The following CNTN6 variants were observed in gnomAD, a reference collection of about 807,000 sequenced individuals.
The protein encoded by CNTN6 is contactin-6.
Under a neutral mutation model 122.8 loss-of-function variants are expected in CNTN6, and 137 were observed. The observed-to-expected ratio is 1.12, with a 90% confidence interval of 0.97 to 1.29. CNTN6 has a LOEUF of 1.29. CNTN6 is among the 50% of genes most tolerant of loss of function. CNTN6 has a pLI of 0.00. For missense variants in CNTN6, 1,634 were observed against 1,223.4 expected (o/e 1.34, Z -5.01); for synonymous variants, 570 against 426.0 (o/e 1.34, Z -4.16).
At chr3:1,268,261 C>G (rs1318665403) in intron 4 of CNTN6, among the ~76,000 whole-genome samples, 1 of 152,174 alleles carries the variant, frequency 6.6e-6, no homozygotes, top group African/African-American at 2.4e-5. Context: ...GTGAGGGTCA[C>G]TAACCATCAG....
At position 1,183,115 on chromosome 3, in the gene CNTN6, G is replaced by A. The variant is rs189672596; in HGVS notation, c.55+35052G>A. Among the ~76,000 whole-genome samples the A allele has an allele frequency of 1.9e-3, 282 of 152,194 alleles. 1 individual carries two copies. Among genetic ancestry groups the A allele is most frequent in the African/African-American group, 6.6e-3 (273 of 41,540 alleles). On this transcript the variant is annotated intron_variant, in intron 2 of 22. Coordinates refer to ENST00000446702, the MANE Select transcript of CNTN6 (RefSeq NM_001289080.2). The stretch of plus-strand genomic sequence containing the variant: ...TGCCAAGATGAACTGTCCGGTATAC[G>A]AAGATAAAAGATTTTAAAGGCAACG...
At chr3:1,308,407 G>A (rs73093240) in intron 7 of CNTN6, among the ~76,000 whole-genome samples, 5,357 of 151,738 alleles carry the variant, frequency 0.035, 340 homozygotes, top group African/African-American at 0.12. Flanking sequence ...CATAGAAGCA[G>A]TCATGTCTCC....
intron 2 of CNTN6, among the ~76,000 whole-genome samples, chr3:1,199,412 T>C (rs1347541038): frequency 6.6e-6 from 1 of 151,928 alleles, no homozygotes; most frequent in Non-Finnish European, 1.5e-5. Flanking sequence ...ACTCCTAGGC[T>C]CAAGCAGTCC....
At chr3:1,354,166 C>A (rs1575828428) in intron 12 of CNTN6, among the ~76,000 whole-genome samples, 1 of 151,408 alleles carries the variant, frequency 6.6e-6, no homozygotes, top group Non-Finnish European at 1.5e-5. Context: ...AACTCGGAAG[C>A]CACTGGACTG....
At chr3:1,231,855 G>C (rs192288688) in intron 4 of CNTN6, among the ~76,000 whole-genome samples, 5 of 152,200 alleles carry the variant, frequency 3.3e-5, no homozygotes, top group Admixed American at 6.5e-5. Context: ...GTCACCAAAG[G>C]CTTCTGTTAT....
chr3:1,356,918 C>T (rs571785813), intron 12 of CNTN6, among the ~76,000 whole-genome samples: 2 of 151,852 alleles, frequency 1.3e-5, no homozygotes, highest in Non-Finnish European at 2.9e-5. Context: ...ACTACAATCT[C>T]TTCAAGTAAA....
At chr3:1,143,240 C>T (rs555127002) in intron 1 of CNTN6, among the ~76,000 whole-genome samples, 84 of 152,110 alleles carry the variant, frequency 5.5e-4, no homozygotes, top group African/African-American at 2.0e-3. Context: ...TAGACCTGTA[C>T]ATACTCTTTC....
intron 2 of CNTN6, among the ~76,000 whole-genome samples, chr3:1,168,203 C>T (rs567473702): frequency 1.5e-4 from 23 of 151,946 alleles, no homozygotes; most frequent in South Asian, 6.3e-4. Context: ...ACATCGCGCC[C>T]GGCCTGGAAA....
intron 8 of CNTN6, among the ~76,000 whole-genome samples, chr3:1,322,867 C>T (rs1701054869): frequency 6.6e-6 from 1 of 151,444 alleles, no homozygotes; most frequent in Non-Finnish European, 1.5e-5. Flanking sequence ...CAAACCTAGC[C>T]AAGAAAAACA....
intron 5 of CNTN6, among the ~76,000 whole-genome samples, chr3:1,280,810 G>A (rs1369649137): frequency 6.6e-6 from 1 of 152,022 alleles, no homozygotes; most frequent in Non-Finnish European, 1.5e-5. Flanking sequence ...ATGATTCCAA[G>A]CATATTTGTC....
intron 4 of CNTN6, among the ~76,000 whole-genome samples, chr3:1,263,079 A>T (rs1466492493): frequency 6.6e-6 from 1 of 152,156 alleles, no homozygotes; most frequent in Admixed American, 6.5e-5. Flanking sequence ...CAGTCAAATA[A>T]TATACCTATT....
In CNTN6 at chr3:1,383,371, C is replaced by T. The variant is rs115667338; in HGVS notation, c.2480C>T (p.Ala827Val). 678 of 1,613,874 alleles carry T rather than the reference C, an allele frequency of 4.2e-4. 2 individuals carry two copies. The African/African-American group carries it at 6.2e-3, about 15-fold the overall frequency. ...ATGGAGGTTTCATGGAATGCTATTG[C>T]CTGGAATAGAAACACTGGAAGAGTG... ...SEMEVSWNAI[A>V]WNRNTGRVLG... Residue 827 changes from alanine (A) to valine (V), a missense_variant, in exon 19 of 23, where the codon GCC becomes GTC. Coordinates refer to ENST00000446702, the MANE Select transcript of CNTN6 (RefSeq NM_001289080.2).
At chr3:1,387,833 C>A (rs914810829) in intron 20 of CNTN6, among the ~76,000 whole-genome samples, 2 of 151,810 alleles carry the variant, frequency 1.3e-5, no homozygotes, top group Non-Finnish European at 2.9e-5. Flanking sequence ...CACTCCCACC[C>A]GAATATTGCG....
intron 1 of CNTN6, among the ~76,000 whole-genome samples, chr3:1,133,988 T>C (rs553757240): frequency 7.3e-6 from 1 of 136,554 alleles, no homozygotes; most frequent in East Asian, 2.2e-4. Flanking sequence ...CCTCCTGTGC[T>C]GTAAGCCAGT....
intron 4 of CNTN6, 113 bp from the exon 5 acceptor site, chr3:1,278,300 G>A: frequency 2.9e-6 from 2 of 685,526 alleles, no homozygotes; most frequent in Non-Finnish European, 4.8e-6. Flanking sequence ...CTTCTGGTCA[G>A]CAAAGTATGA....
chr3:1,315,446 C>T (rs1332052682), intron 7 of CNTN6, among the ~76,000 whole-genome samples: 1 of 151,732 alleles, frequency 6.6e-6, no homozygotes, highest in Admixed American at 6.6e-5. Flanking sequence ...GGAGAACTGG[C>T]AGGTAATAAT....
At chr3:1,221,770 G>A (rs2094211025) in intron 3 of CNTN6, among the ~76,000 whole-genome samples, 1 of 152,108 alleles carries the variant, frequency 6.6e-6, no homozygotes, top group Admixed American at 6.5e-5. Context: ...CATATGTAGT[G>A]TTAATACAGG....
At chr3:1,385,555 ATGAT>A in intron 19 of CNTN6, 52 bp from the exon 20 acceptor site, 1 of 1,396,948 alleles carries the variant, frequency 7.2e-7, no homozygotes, top group Non-Finnish European at 9.8e-7. Flanking sequence ...TTGGTAAAAA[ATGAT>A]TGATAGTTAT....
chr3:1,259,781 A>G (rs2094814992), intron 4 of CNTN6, among the ~76,000 whole-genome samples: 1 of 152,170 alleles, frequency 6.6e-6, no homozygotes, highest in Admixed American at 6.6e-5. Context: ...AATCTATTAA[A>G]TTACCTAATG....
Sources: gnomAD v4.1 joint callset for allele counts (sites outside exome capture counted in the v4.1 genomes callset) on GRCh38, gnomAD v4.1.1 for gene constraint, MANE v1.5 for transcripts, NCBI Gene and HGNC (gene_info 2026-07-23, HGNC 2026-07-21) for gene names.